Variants in WDPCP observed in about 807,000 individuals in gnomAD.
WDPCP encodes WD repeat-containing and planar cell polarity effector protein fritz homolog.
Under a neutral mutation model 93.1 loss-of-function variants are expected in WDPCP, and 71 were observed. The observed-to-expected ratio is 0.76, with a 90% CI of 0.63 to 0.93. The LOEUF (loss-of-function observed/expected upper bound fraction) is 0.93, where lower values mean the gene tolerates loss of function less well. WDPCP is among the 40% of genes least tolerant of loss of function. The probability of loss-of-function intolerance (pLI) is 0.00; values close to 1 mark genes in which losing one functional copy is unlikely to be tolerated. For missense variants in WDPCP, 844 were observed against 887.4 expected (o/e 0.95, Z 0.62); for synonymous variants, 315 against 315.0 (o/e 1.00, Z 0.00).
chr2:63,826,641 T>C (rs1006362647), intron 1 of WDPCP, among the ~76,000 whole-genome samples: 1 of 152,200 alleles, frequency 6.6e-6, no homozygotes, highest in Non-Finnish European at 1.5e-5. Context: ...CTTACCTTAC[T>C]CTTGCATAAC....
intron 6 of WDPCP, among the ~76,000 whole-genome samples, chr2:63,481,978 A>G (rs1700291512): frequency 6.6e-6 from 1 of 151,158 alleles, no homozygotes. Flanking sequence ...ACTATCCTCC[A>G]AAAAAAAAGA....
chr2:63,240,837 C>T (rs896240662), intron 14 of WDPCP, among the ~76,000 whole-genome samples: 1 of 152,072 alleles, frequency 6.6e-6, no homozygotes, highest in Non-Finnish European at 1.5e-5. Flanking sequence ...AACATTTGTA[C>T]CTTTCTCCAC....
At chr2:63,606,381 A>G (rs1382245242) in intron 3 of WDPCP, among the ~76,000 whole-genome samples, 2 of 152,218 alleles carry the variant, frequency 1.3e-5, no homozygotes, top group Non-Finnish European at 2.9e-5. Context: ...CCCCCAAAAA[A>G]GAAAACAGAA....
At chr2:63,122,336 C>G (rs1030718690) in intron 17 of WDPCP, among the ~76,000 whole-genome samples, 1 of 152,072 alleles carries the variant, frequency 6.6e-6, no homozygotes, top group Admixed American at 6.5e-5. Context: ...GAGGGTTCCT[C>G]CAATGAAAAA....
intron 2 of WDPCP, among the ~76,000 whole-genome samples, chr2:63,766,698 C>T (rs937534166): frequency 2.0e-5 from 3 of 152,102 alleles, no homozygotes; most frequent in Non-Finnish European, 2.9e-5. Context: ...ACAATCAAGA[C>T]AGTGAATATA....
At chr2:63,373,656 G>A (rs1423513670) in intron 12 of WDPCP, among the ~76,000 whole-genome samples, 1 of 150,372 alleles carries the variant, frequency 6.7e-6, no homozygotes, top group Non-Finnish European at 1.5e-5. Flanking sequence ...TTCATTGCTA[G>A]TATCTCATTG....
chr2:63,207,774 T>C (rs1473378830), intron 14 of WDPCP, among the ~76,000 whole-genome samples: 1 of 152,212 alleles, frequency 6.6e-6, no homozygotes, highest in African/African-American at 2.4e-5. Context: ...AGTTTTTTTC[T>C]ATTTCAGGAA....
Position 63,402,516 on chromosome 2 carries a change from C to CA in WDPCP, c.1435+1531dup, listed in dbSNP as rs1245658706. On this transcript the variant is annotated intron_variant, in intron 10 of 17. Transcript: ENST00000272321. ...AAATAAAATAAAAGTGGGCAAAGGA[C>CA]ATGAACAGACACTTCTCAAAAGAAG... Among the ~76,000 whole-genome samples the CA allele has an allele frequency of 2.0e-5, 3 of 152,114 alleles. No homozygotes were observed. In the East Asian group the frequency reaches 5.8e-4, roughly 29 times the overall value.
In WDPCP at chr2:63,594,332, G is replaced by A. The variant is rs749073205; in HGVS notation, n.488+56327C>T. The A allele has an allele frequency of 4.0e-6, 3 of 742,564 alleles. No individual in the cohort carries two copies. In the South Asian group the frequency reaches 4.1e-5, roughly 10 times the overall value. The allele number at this position is 742,564 out of a possible 1,614,324, so 46.0% of individuals were successfully genotyped here. On this transcript the variant is annotated intron_variant and non_coding_transcript_variant, in intron 3 of 4. Transcript: ENST00000467687. ...GAGTTAAATAACACCACGTAAATAT[G>A]CAGCACATTCATTTTCTACTGAGCC... is the stretch of plus-strand genomic sequence containing the variant.
intron 17 of WDPCP, among the ~76,000 whole-genome samples, chr2:63,147,923 G>A (rs930202496): frequency 2.7e-5 from 4 of 147,136 alleles, no homozygotes; most frequent in South Asian, 2.2e-4. Flanking sequence ...AGCCAAGATC[G>A]TGCCACTGCA....
At chr2:63,352,607 C>T (rs551231600) in intron 12 of WDPCP, among the ~76,000 whole-genome samples, 2 of 152,238 alleles carry the variant, frequency 1.3e-5, no homozygotes, top group Admixed American at 1.3e-4. Context: ...AGACAACAGC[C>T]AGAAGCCTGA....
intron 6 of WDPCP, among the ~76,000 whole-genome samples, chr2:63,449,057 T>G (rs1452240136): frequency 1.3e-5 from 2 of 152,304 alleles, no homozygotes; most frequent in East Asian, 3.9e-4. Flanking sequence ...ATATGTTAAC[T>G]AGCTTGATTT....
intron 14 of WDPCP, among the ~76,000 whole-genome samples, chr2:63,258,814 G>C (rs1397655217): frequency 6.6e-6 from 1 of 151,830 alleles, no homozygotes; most frequent in African/African-American, 2.4e-5. Flanking sequence ...TCATTCTAAG[G>C]CTTCTGATCT....
the WDPCP span, among the ~76,000 whole-genome samples, chr2:63,834,500 A>G: frequency 6.6e-6 from 1 of 152,084 alleles, no homozygotes; most frequent in South Asian, 2.1e-4. Flanking sequence ...TTCTAATTAT[A>G]TGTTTTGAAT....
At chr2:63,301,784 G>T (rs1158912148) in intron 13 of WDPCP, among the ~76,000 whole-genome samples, 1 of 149,078 alleles carries the variant, frequency 6.7e-6, no homozygotes, top group East Asian at 2.0e-4. Flanking sequence ...AGGAGACAAA[G>T]GGATGCCTTT....
At chr2:63,165,608 C>A (rs1672905810) in intron 15 of WDPCP, among the ~76,000 whole-genome samples, 1 of 151,082 alleles carries the variant, frequency 6.6e-6, no homozygotes, top group Non-Finnish European at 1.5e-5. Flanking sequence ...TCTTAATAAT[C>A]TTGTCTATTT....
intron 15 of WDPCP, among the ~76,000 whole-genome samples, chr2:63,164,222 T>C (rs779053580): frequency 2.0e-5 from 3 of 152,212 alleles, no homozygotes; most frequent in African/African-American, 4.8e-5. Flanking sequence ...TTATTTTTAA[T>C]TTAGTCCTAG....
intron 14 of WDPCP, among the ~76,000 whole-genome samples, chr2:63,249,163 TGTGTGCCGGGACA>T (rs1346909211): frequency 6.6e-6 from 1 of 152,160 alleles, no homozygotes; most frequent in East Asian, 1.9e-4. Flanking sequence ...GCAGACTAGC[TGTGTGCCGGGACA>T]GTCCCACTAA....
intron 2 of WDPCP, among the ~76,000 whole-genome samples, chr2:63,489,828 T>C (rs1700769047): frequency 6.6e-6 from 1 of 151,898 alleles, no homozygotes; most frequent in Non-Finnish European, 1.5e-5. Flanking sequence ...GAACAGGATA[T>C]TTACATAATT....
Sources: allele counts gnomAD v4.1 joint callset (sites outside exome capture counted in the v4.1 genomes callset), GRCh38; gene constraint gnomAD v4.1.1; transcripts MANE v1.5; gene names NCBI Gene and HGNC (gene_info 2026-07-23, HGNC 2026-07-21).